TMPRSS9: variants seen among roughly 807,000 people sequenced by gnomAD.
The protein encoded by TMPRSS9 is transmembrane serine protease 9.
TMPRSS9 carries 113 observed loss-of-function variants against 111.4 expected under a neutral mutation model. The ratio of observed to expected loss-of-function variants is 1.01; its 90% confidence interval spans 0.87 to 1.19. The LOEUF is 1.19. TMPRSS9 is among the 50% of genes most tolerant of loss of function. The pLI, the probability that TMPRSS9 is intolerant of heterozygous loss-of-function variation, is 0.00. For missense variants in TMPRSS9, 1,803 were observed against 1,513.1 expected (o/e 1.19, Z -3.18); for synonymous variants, 805 against 659.1 (o/e 1.22, Z -3.39).
Position 2,416,708 on chromosome 19 carries a change from A to G in TMPRSS9, c.1916A>G (p.Asn639Ser), listed in dbSNP as rs371657869. The change falls in exon 12 of 18, where the codon AAC (asparagine) becomes AGC (serine). Residue 639 changes from asparagine (N) to serine (S), a missense_variant. By Grantham distance (46) the Asn-to-Ser change is conservative. Coordinates refer to ENST00000648592, the Ensembl canonical transcript of TMPRSS9. ...GAGCTGGCCAGCCCCCTGGCCTTCA[A>G]CAAATACATCCAGCCTGTCTGCCTG... 2.1e-4 allele frequency: 332 copies of G among 1,613,102 alleles called. No homozygotes were observed. Among genetic ancestry groups the G allele is most frequent in the Non-Finnish European group, 2.6e-4 (312 of 1,180,006 alleles).
chr19:2,412,598 G>C (rs1450482930), intron 9 of TMPRSS9, among the ~76,000 whole-genome samples: 1 of 152,094 alleles, frequency 6.6e-6, no homozygotes, highest in Admixed American at 6.6e-5. Context: ...AACCAACCCA[G>C]GTCCTCTTGA....
upstream of TMPRSS9, among the ~76,000 whole-genome samples, chr19:2,386,145 T>A (rs1970470332): frequency 3.3e-5 from 5 of 152,096 alleles, no homozygotes; most frequent in South Asian, 1.0e-3. Context: ...ACATGGGGTC[T>A]TGCTATGTTG....
chr19:2,402,468 A>C (rs1970871075), intron 5 of TMPRSS9, among the ~76,000 whole-genome samples: 1 of 151,796 alleles, frequency 6.6e-6, no homozygotes, highest in South Asian at 2.1e-4. Flanking sequence ...GGCCGGGCGC[A>C]CTGGCTCATG....
chr19:2,381,684 C>T (rs1195504271), intron 1 of TMPRSS9, among the ~76,000 whole-genome samples: 1 of 151,984 alleles, frequency 6.6e-6, no homozygotes, highest in Admixed American at 6.6e-5. Context: ...TGGATGGTAG[C>T]GGCCAGGCAT....
intron 1 of TMPRSS9, among the ~76,000 whole-genome samples, chr19:2,379,647 TTC>T (rs1568170813): frequency 6.7e-6 from 1 of 149,242 alleles, no homozygotes; most frequent in Non-Finnish European, 1.5e-5. Context: ...CTTTCTTTCT[TTC>T]TTTCTTTCTT....
chr19:2,399,704 C>T (rs1970789075), intron 4 of TMPRSS9, among the ~76,000 whole-genome samples: 1 of 151,996 alleles, frequency 6.6e-6, no homozygotes. Flanking sequence ...CTTGTCTTGT[C>T]TTCTCTTTTC....
chr19:2,425,001 G>C lies in TMPRSS9; in HGVS notation c.2718-1G>C. 5 of 1,523,564 alleles carry C rather than the reference G, an allele frequency of 3.3e-6. No homozygotes were observed. Among genetic ancestry groups the C allele is most frequent in the Non-Finnish European group, 4.4e-6 (5 of 1,141,044 alleles). The allele number at this position is 1,523,564 out of a possible 1,614,324, so 94.4% of individuals were successfully genotyped here. The stretch of plus-strand genomic sequence containing the variant: ...GACGCCTGTCCTCGCGCGCCCCGCA[G>C]CTACGGGGACCCCAAGCAGTGGGCG... On this transcript the variant is annotated splice_acceptor_variant, in intron 15 of 17. Transcript: ENST00000648592. LOFTEE classifies it high-confidence loss of function.
chr19:2,401,280 A>C (rs961981522), intron 4 of TMPRSS9, among the ~76,000 whole-genome samples: 2 of 152,104 alleles, frequency 1.3e-5, no homozygotes, highest in Non-Finnish European at 2.9e-5. Context: ...TCTCAAAAAA[A>C]AAAAGTCACC....
Position 2,424,313 on chromosome 19 carries a change from G to A in TMPRSS9, c.2717+56G>A. 7 of 1,293,510 alleles carry A rather than the reference G, an allele frequency of 5.4e-6. No individual in the cohort carries two copies. In the East Asian group the frequency reaches 8.8e-5, roughly 16 times the overall value. The allele number at this position is 1,293,510 out of a possible 1,614,324, so 80.1% of individuals were successfully genotyped here. On this transcript the variant is annotated intron_variant, in intron 15 of 17. Transcript: ENST00000648592. ...ATGTCTCTGTAGCTCACCCGGAACCGAACTGTTGCCCGAAAACGCACCCTG... is the reference window on the plus strand; with the variant it reads ...ATGTCTCTGTAGCTCACCCGGAACCAAACTGTTGCCCGAAAACGCACCCTG...
intron 8 of TMPRSS9, among the ~76,000 whole-genome samples, chr19:2,409,240 A>G (rs1443841818): frequency 1.3e-5 from 2 of 150,374 alleles, no homozygotes; most frequent in African/African-American, 4.9e-5. Context: ...TCCGGGTTCA[A>G]GCGATTCTCT....
chr19:2,377,225 ACTTT>A (rs1173674250), intron 1 of TMPRSS9, among the ~76,000 whole-genome samples: 1 of 139,752 alleles, frequency 7.2e-6, no homozygotes. Flanking sequence ...AGTTCCTCGT[ACTTT>A]CTTTCTTTTT....
At chr19:2,412,621 T>C (rs1187673046) in intron 9 of TMPRSS9, among the ~76,000 whole-genome samples, 1 of 152,098 alleles carries the variant, frequency 6.6e-6, no homozygotes, top group Non-Finnish European at 1.5e-5. Context: ...AAGCTTTCTC[T>C]TGTGTCTTGA....
intron 12 of TMPRSS9, 146 bp from the exon 14 acceptor site, chr19:2,417,856 C>G (rs1208496213): frequency 8.5e-7 from 1 of 1,174,600 alleles, no homozygotes; most frequent in Non-Finnish European, 1.2e-6. Flanking sequence ...CACTCTGTGG[C>G]TTTGTGAGAT....
chr19:2,425,670 G>A, intron 17 of TMPRSS9, 177 bp downstream of exon 18: 1 of 1,277,016 alleles, frequency 7.8e-7, no homozygotes, highest in Non-Finnish European at 1.0e-6. Context: ...CGTTTATTGG[G>A]CAACCCACCG....
chr19:2,425,436 G>C (rs375824637), exon 17 of TMPRSS9: 3 of 1,591,324 alleles, frequency 1.9e-6, no homozygotes, highest in Non-Finnish European at 1.7e-6. Flanking sequence ...ACCCAGTGCA[G>C]ATCAGCAGCC....
At chr19:2,397,314 G>A (rs986103440) in intron 2 of TMPRSS9, among the ~76,000 whole-genome samples, 2 of 151,678 alleles carry the variant, frequency 1.3e-5, no homozygotes, top group East Asian at 1.9e-4. Flanking sequence ...TTTTTGAGAC[G>A]GAGTCTTGCT....
At chr19:2,384,874 C>T (rs1477370264), upstream of TMPRSS9, among the ~76,000 whole-genome samples, 6 of 148,814 alleles carry the variant, frequency 4.0e-5, no homozygotes, top group African/African-American at 1.2e-4. Flanking sequence ...CCCAGCTACT[C>T]GGGAAGCTGA....
chr19:2,405,068 A>G (rs993548774), intron 6 of TMPRSS9, among the ~76,000 whole-genome samples: 2 of 152,156 alleles, frequency 1.3e-5, no homozygotes, highest in Non-Finnish European at 2.9e-5. Flanking sequence ...CAGACACAAT[A>G]TCCTATACAA....
At chr19:2,401,045 T>C (rs941911760) in intron 4 of TMPRSS9, among the ~76,000 whole-genome samples, 22 of 143,616 alleles carry the variant, frequency 1.5e-4, no homozygotes, top group East Asian at 8.3e-4. Flanking sequence ...GAGGCCGAGG[T>C]GGGCAGATCA....
Sources: gnomAD v4.1 joint callset for allele counts (sites outside exome capture counted in the v4.1 genomes callset) on GRCh38, gnomAD v4.1.1 for gene constraint, MANE v1.5 for transcripts, NCBI Gene and HGNC (gene_info 2026-07-23, HGNC 2026-07-21) for gene names.